LSR: variants seen among roughly 807,000 people sequenced by gnomAD.
LSR encodes lipolysis stimulated lipoprotein receptor.
Under a neutral mutation model 61.8 loss-of-function variants are expected in LSR, and 44 were observed. The observed-to-expected ratio is 0.71, with a 90% confidence interval of 0.56 to 0.91. The LOEUF is 0.91. Ranked by LOEUF, LSR falls within the 40% of genes least tolerant of loss-of-function variation. LSR has a pLI of 0.00. For missense variants in LSR, 911 were observed against 830.5 expected, an observed-to-expected ratio of 1.10 and a Z score of -1.19; for synonymous variants, 397 against 350.6, an observed-to-expected ratio of 1.13 and a Z score of -1.48.
In LSR at chr19:35,267,556, C is replaced by T; in HGVS notation, c.1592C>T (p.Ser531Phe). The change falls in exon 9 of 10, where the codon TCC (serine) becomes TTC (phenylalanine). Residue 531 changes from serine (S) to phenylalanine (F), a missense_variant. By Grantham distance (155) the Ser-to-Phe change is radical. Coordinates refer to ENST00000605618, the MANE Select transcript of LSR (RefSeq NM_205834.4). ...HRTRDPRDNG[S>F]RSGDLPYDGR... is the part of the protein sequence containing the mutation. Reference sequence around the variant, plus strand: ...ACCCGGGACCCTCGGGACAACGGCTCCAGGTCCGGGGACCTCCCCTATGAT... The same window carrying T: ...ACCCGGGACCCTCGGGACAACGGCTTCAGGTCCGGGGACCTCCCCTATGAT... 1 of 1,612,274 alleles carries T rather than the reference C, an allele frequency of 6.2e-7. No individual in the cohort carries two copies. Among genetic ancestry groups the T allele is most frequent in the South Asian group, 1.1e-5 (1 of 91,020 alleles).
intron 2 of LSR, among the ~76,000 whole-genome samples, chr19:35,256,516 T>C (rs2065858545): frequency 1.3e-5 from 2 of 152,222 alleles, no homozygotes; most frequent in African/African-American, 2.4e-5. Context: ...GTATGTCACG[T>C]AGCCTCTGGA....
Position 35,261,918 on chromosome 19 carries a change from C to T in LSR, c.575-7C>T, listed in dbSNP as rs780910380. ...CAGCATAATCTGTTTCTCTTTTGTC[C>T]CTCCAGGGAGGACCTCAGGGGTGGC... On this transcript the variant is annotated splice_region_variant and splice_polypyrimidine_tract_variant and intron_variant, in intron 3 of 9. Transcript: ENST00000605618. 1 of 1,453,312 alleles carries T rather than the reference C, an allele frequency of 6.9e-7. No individual in the cohort carries two copies. Among genetic ancestry groups the T allele is most frequent in the Non-Finnish European group, 9.1e-7 (1 of 1,103,712 alleles). 90.0% of individuals were successfully genotyped at this position (1,453,312 alleles called of 1,614,324 possible). A position where few individuals can be genotyped will look rare whatever the true frequency, so the allele number is the denominator to read the frequency against.
At chr19:35,259,102 T>C (rs756547272) in intron 3 of LSR, 38 bp downstream of exon 3, 2 of 1,597,686 alleles carry the variant, frequency 1.3e-6, no homozygotes, top group Non-Finnish European at 1.7e-6. Context: ...TGGCCCTTCC[T>C]TTTGTCCGCT....
intron 5 of LSR, among the ~76,000 whole-genome samples, chr19:35,263,379 A>G (rs984823479): frequency 1.4e-4 from 21 of 152,098 alleles, no homozygotes; most frequent in Non-Finnish European, 2.8e-4. Context: ...TTTTTGTTTT[A>G]GAGAAAGGGT....
chr19:35,261,210 G>A (rs1360026649), intron 3 of LSR, among the ~76,000 whole-genome samples: 3 of 152,200 alleles, frequency 2.0e-5, no homozygotes, highest in Non-Finnish European at 4.4e-5. Context: ...CAGTGCATGA[G>A]TAGAGATGGA....
intron 2 of LSR, among the ~76,000 whole-genome samples, chr19:35,258,037 GTT>G (rs1354376427): frequency 6.6e-6 from 1 of 152,116 alleles, no homozygotes; most frequent in African/African-American, 2.4e-5. Flanking sequence ...AATCTGGCCT[GTT>G]TATCTCCACA....
Position 35,250,420 on chromosome 19 carries a change from C to A in LSR, c.215C>A (p.Thr72Lys), listed in dbSNP as rs370997772. Residue 72 changes from threonine (T) to lysine (K), a missense_variant, in exon 2 of 10, where the codon ACG becomes AAG. Coordinates refer to ENST00000605618, the MANE Select transcript of LSR (RefSeq NM_205834.4). ...ACCTACCAGATGACCTCGACCCCCA[C>A]GCAACCCATCGTCATCTGGAAGTAC... ...PCTYQMTSTP[T>K]QPIVIWKYKS... The A allele has an allele frequency of 1.2e-6, 2 of 1,614,028 alleles. No homozygotes were observed. Among genetic ancestry groups the A allele is most frequent in the South Asian group, 1.1e-5 (1 of 91,066 alleles).
chr19:35,267,838 T>G lies in LSR; in HGVS notation c.1785T>G (p.Ser595Arg). 6.2e-7 allele frequency: 1 copy of G among 1,613,552 alleles called. No homozygotes were observed. Among genetic ancestry groups the G allele is most frequent in the Non-Finnish European group, 8.5e-7 (1 of 1,179,884 alleles). The change falls in exon 10 of 10, where the codon AGT becomes AGG. Residue 595 changes from serine to arginine, a missense_variant. Transcript: ENST00000605618. ...ERRLKKNLAL[S>R]RESLVV is the part of the protein sequence containing the mutation. The stretch of plus-strand genomic sequence containing the variant: ...CTCCCTTGCAGAACTTGGCCCTGAG[T>G]CGGGAAAGTTTAGTCGTCTGATCTG...
chr19:35,259,133 C>T (rs958116849), intron 3 of LSR, 69 bp downstream of exon 3: 2 of 1,555,218 alleles, frequency 1.3e-6, no homozygotes, highest in Non-Finnish European at 1.7e-6. Flanking sequence ...CTGCCCTCCC[C>T]TGTGTCCGCC....
intron 3 of LSR, among the ~76,000 whole-genome samples, chr19:35,260,262 A>G (rs2065909677): frequency 6.8e-6 from 1 of 147,778 alleles, no homozygotes; most frequent in African/African-American, 2.5e-5. Flanking sequence ...GTTGCTTAAC[A>G]TATTAGGAAT....
rs1568449511 is a variant in LSR at position 35,267,367 on chromosome 19, A to G, written c.1403A>G (p.Asn468Ser). Residue 468 changes from asparagine (N) to serine (S), a missense_variant, in exon 9 of 10, where the codon AAT becomes AGT. Physicochemically the swap from Asn to Ser is conservative, Grantham distance 46. Coordinates refer to ENST00000605618, the MANE Select transcript of LSR (RefSeq NM_205834.4). ...TCAGGGAGCAGGTCTCCCACGAGTA[A>G]TGGTGGGAGAAGCCGGGCCTACATG... ...AESGSRSPTS[N>S]GGRSRAYMPP... The G allele has an allele frequency of 7.2e-7, 1 of 1,380,478 alleles. No homozygotes were observed. Among genetic ancestry groups the G allele is most frequent in the East Asian group, 2.5e-5 (1 of 40,660 alleles). The allele number at this position is 1,380,478 out of a possible 1,614,324, so 85.5% of individuals were successfully genotyped here.
Position 35,267,811 on chromosome 19 carries a change from T to C in LSR, c.1771-13T>C. The C allele has an allele frequency of 6.2e-7, 1 of 1,613,940 alleles. No individual in the cohort carries two copies. The highest frequency in any genetic ancestry group is 8.5e-7 in the Non-Finnish European group (1 of 1,179,936). The stretch of plus-strand genomic sequence containing the variant: ...CCCCGCGGCTCATACCCTTCTTTCT[T>C]TCTCCCTTGCAGAACTTGGCCCTGA... On this transcript the variant is annotated splice_polypyrimidine_tract_variant and intron_variant, in intron 9 of 9. Coordinates refer to ENST00000605618, the MANE Select transcript of LSR (RefSeq NM_205834.4).
At position 35,267,953 on chromosome 19, in the gene LSR, GTA is replaced by G; in HGVS notation, c.*97_*98del. Reference sequence around the variant, plus strand: ...ATACCCCTCCCGAGTCTAATAAAACGTATAATCACAAGCTCTGGAGAGAACCA... The same window carrying G: ...ATACCCCTCCCGAGTCTAATAAAACGTAATCACAAGCTCTGGAGAGAACCA... On this transcript the variant is annotated 3_prime_UTR_variant, in exon 10 of 10. Coordinates refer to ENST00000605618, the MANE Select transcript of LSR (RefSeq NM_205834.4). 3 of 1,446,390 alleles carry G rather than the reference GTA, an allele frequency of 2.1e-6. No homozygotes were observed. Among genetic ancestry groups the G allele is most frequent in the South Asian group, 2.3e-5 (2 of 87,408 alleles). The allele number at this position is 1,446,390 out of a possible 1,614,324, so 89.6% of individuals were successfully genotyped here. A position where few individuals can be genotyped will look rare whatever the true frequency, so the allele number is the denominator to read the frequency against.
At chr19:35,264,793 G>C (rs1450129488) in intron 5 of LSR, 1 of 152,180 alleles carries the variant, frequency 6.6e-6, no homozygotes, top group South Asian at 2.1e-4. Context: ...GGGTGCATCT[G>C]GGGATTTGGC....
chr19:35,251,191 G>A (rs2065789236), intron 2 of LSR, among the ~76,000 whole-genome samples: 1 of 152,002 alleles, frequency 6.6e-6, no homozygotes, highest in Non-Finnish European at 1.5e-5. Flanking sequence ...GTGCTGTTCT[G>A]GGCCCTGGGA....
rs1174837828 is a variant in LSR at position 35,267,217 on chromosome 19, G to C, written c.1253G>C (p.Arg418Pro). 1 of 1,521,220 alleles carries C rather than the reference G, an allele frequency of 6.6e-7. No homozygotes were observed. Among genetic ancestry groups the C allele is most frequent in the Non-Finnish European group, 8.8e-7 (1 of 1,137,564 alleles). 94.2% of individuals were successfully genotyped at this position (1,521,220 alleles called of 1,614,324 possible). A position where few individuals can be genotyped will look rare whatever the true frequency, so the allele number is the denominator to read the frequency against. The change falls in exon 9 of 10, where the codon CGG becomes CCG. Residue 418 changes from arginine to proline, a missense_variant. Coordinates refer to ENST00000605618, the MANE Select transcript of LSR (RefSeq NM_205834.4). ...GAGGAGTGGGGTGGCCACTCCCCCCGGAGTCCCAGGGGATGGGACCAGGAG... is the reference window on the plus strand; with the variant it reads ...GAGGAGTGGGGTGGCCACTCCCCCCCGAGTCCCAGGGGATGGGACCAGGAG... ...RDEEWGGHSP[R>P]SPRGWDQEPA...
chr19:35,262,824 T>C, intron 5 of LSR, 132 bp downstream of exon 5: 1 of 1,086,652 alleles, frequency 9.2e-7, no homozygotes. Flanking sequence ...GGGGAGAAAG[T>C]AGGCTGAGGA....
rs753258069 is a variant in LSR, at chr19:35,267,611, G to A, written c.1647G>A (p.Lys549=). Residue 549 remains lysine (K), a synonymous_variant, in exon 9 of 10, where the codon AAG becomes AAA. Transcript: ENST00000605618. ...GGCTACTGGAGGAGGCTGTGAGGAAGAAGGGGTCGGAGGAGAGGAGGAGAC... is the reference window on the plus strand; with the variant it reads ...GGCTACTGGAGGAGGCTGTGAGGAAAAAGGGGTCGGAGGAGAGGAGGAGAC... The part of the protein sequence containing the change: ...DGRLLEEAVR[K]KGSEERRRPH... The A allele has an allele frequency of 1.9e-5, 31 of 1,612,224 alleles. No individual in the cohort carries two copies. The highest frequency in any genetic ancestry group is 2.3e-5 in the Non-Finnish European group (27 of 1,179,666).
chr19:35,249,463 T>C, intron 1 of LSR: 1 of 338,436 alleles, frequency 3.0e-6, no homozygotes, highest in South Asian at 4.0e-5. Flanking sequence ...GGATGGGACT[T>C]GGGCGCACCC....
Sources: allele counts gnomAD v4.1 joint callset (sites outside exome capture counted in the v4.1 genomes callset), GRCh38; gene constraint gnomAD v4.1.1; transcripts MANE v1.5; gene names NCBI Gene and HGNC (gene_info 2026-07-23, HGNC 2026-07-21).